IQGAP2: variants seen among roughly 807,000 people sequenced by gnomAD.
IQGAP2 encodes IQ motif containing GTPase activating protein 2.
A neutral mutation model predicts 201.3 loss-of-function variants in IQGAP2; 173 were observed. That is an observed-to-expected ratio of 0.86 (90% CI 0.76 to 0.98). The LOEUF is 0.98. Among genes scored for constraint, IQGAP2 ranks in the 50% least tolerant of loss-of-function variants. The pLI, the probability that IQGAP2 is intolerant of heterozygous loss-of-function variation, is 0.00. For missense variants in IQGAP2, 1,687 were observed against 1,864.8 expected (o/e 0.90, Z 1.76); for synonymous variants, 675 against 673.9 (o/e 1.00, Z -0.03).
intron 18 of IQGAP2, among the ~76,000 whole-genome samples, 193 bp from the exon 19 acceptor site, chr5:76,654,007 C>T (rs564411314): frequency 6.6e-6 from 1 of 152,098 alleles, no homozygotes; most frequent in Non-Finnish European, 1.5e-5. Flanking sequence ...CGTTTTGAAC[C>T]CCTTAAGAAA....
intron 13 of IQGAP2, chr5:76,617,866 A>G (rs1192992286): frequency 1.9e-6 from 3 of 1,614,142 alleles, no homozygotes; most frequent in African/African-American, 2.7e-5. Context: ...GCTGCATAGC[A>G]GTAGATGATA....
At chr5:76,586,996 A>G (rs575186043) in intron 5 of IQGAP2, among the ~76,000 whole-genome samples, 88 of 152,352 alleles carry the variant, frequency 5.8e-4, no homozygotes, top group Non-Finnish European at 1.1e-3. Flanking sequence ...CATACCAGTT[A>G]TAAAAGTCAT....
At chr5:76,654,370 C>A in intron 19 of IQGAP2, 99 bp downstream of exon 19, 1 of 702,470 alleles carries the variant, frequency 1.4e-6, no homozygotes, top group Non-Finnish European at 2.4e-6. Context: ...GAATGGTGAA[C>A]ATGAACACTT....
intron 16 of IQGAP2, among the ~76,000 whole-genome samples, chr5:76,637,846 G>T (rs561697055): frequency 6.6e-6 from 1 of 152,214 alleles, no homozygotes; most frequent in Non-Finnish European, 1.5e-5. Flanking sequence ...ATAAAAATTA[G>T]CCATGTGTCC....
At chr5:76,594,048 A>G (rs367869236) in intron 9 of IQGAP2, among the ~76,000 whole-genome samples, 4 of 152,310 alleles carry the variant, frequency 2.6e-5, no homozygotes, top group Non-Finnish European at 4.4e-5. Flanking sequence ...AAAACTCTCA[A>G]TTGCCTTTAT....
chr5:76,539,277 T>G (rs561794609), intron 2 of IQGAP2, among the ~76,000 whole-genome samples: 1 of 152,318 alleles, frequency 6.6e-6, no homozygotes, highest in African/African-American at 2.4e-5. Flanking sequence ...TCTTCTTTCC[T>G]GGAACATTCC....
chr5:76,525,239 C>A (rs990934837), intron 2 of IQGAP2, among the ~76,000 whole-genome samples: 1 of 152,132 alleles, frequency 6.6e-6, no homozygotes, highest in Non-Finnish European at 1.5e-5. Context: ...CCAGTTGTGC[C>A]ATTGTTTGCT....
chr5:76,509,029 A>ATGTGTG lies in IQGAP2; in HGVS notation c.146+47384_146+47389dup, dbSNP rs70982616. ...TGGTAAACAGTTTGGCTGTATATATATGTGTGTGTGTGTGTGTGTGTGTGT... is the reference window on the plus strand; with the variant it reads ...TGGTAAACAGTTTGGCTGTATATATATGTGTGTGTGTGTGTGTGTGTGTGTGTGTGT... On this transcript the variant is annotated intron_variant, in intron 2 of 35. Transcript: ENST00000274364. Among the ~76,000 whole-genome samples the ATGTGTG allele has an allele frequency of 1.4e-3, 203 of 148,946 alleles. 2 individuals carry two copies. The highest frequency in any genetic ancestry group is 8.0e-3 in the South Asian group (37 of 4,632).
intron 1 of IQGAP2, among the ~76,000 whole-genome samples, chr5:76,414,572 G>GGGAGGGATTA (rs1217684755): frequency 6.6e-6 from 1 of 152,164 alleles, no homozygotes; most frequent in Non-Finnish European, 1.5e-5. Flanking sequence ...TGTAATCCCA[G>GGGAGGGATTA]CACTTTGGGA....
intron 10 of IQGAP2, 21 bp downstream of exon 10, chr5:76,597,623 G>C (rs756402103): frequency 6.2e-7 from 1 of 1,613,178 alleles, no homozygotes; most frequent in African/African-American, 1.3e-5. Flanking sequence ...GGAGACCCCA[G>C]CTGTGGGGAC....
intron 2 of IQGAP2, among the ~76,000 whole-genome samples, chr5:76,496,757 C>CTTTCTTTCTTTCTTTCTTTCTTTCTTTCT: frequency 1.3e-5 from 1 of 79,322 alleles, no homozygotes; most frequent in East Asian, 3.0e-4. Context: ...TTCTTTCTTT[C>CTTTCTTTCTTTCTTTCTTTCTTTCTTTCT]TTTCTTTCTT....
chr5:76,650,378 A>C (rs1449273616), intron 17 of IQGAP2, among the ~76,000 whole-genome samples: 18 of 152,240 alleles, frequency 1.2e-4, no homozygotes, highest in Admixed American at 1.2e-3. Context: ...AGAGATAGGT[A>C]CACAGGTATG....
At chr5:76,597,703 T>G in intron 10 of IQGAP2, 101 bp downstream of exon 10, 1 of 1,246,536 alleles carries the variant, frequency 8.0e-7, no homozygotes, top group Non-Finnish European at 1.1e-6. Flanking sequence ...CGGGGATCTC[T>G]AATTTGTACC....
intron 30 of IQGAP2, among the ~76,000 whole-genome samples, chr5:76,688,756 CAT>C (rs1009425234): frequency 6.6e-6 from 1 of 151,716 alleles, no homozygotes; most frequent in Non-Finnish European, 1.5e-5. Flanking sequence ...ATAACATGTG[CAT>C]ATATATATAT....
chr5:76,672,366 G>A (rs1337311487), intron 24 of IQGAP2, among the ~76,000 whole-genome samples: 1 of 152,148 alleles, frequency 6.6e-6, no homozygotes, highest in East Asian at 1.9e-4. Flanking sequence ...CTTATTCTGG[G>A]TGGGTGGTTG....
intron 11 of IQGAP2, among the ~76,000 whole-genome samples, chr5:76,602,791 C>G (rs1271768600): frequency 6.6e-6 from 1 of 152,122 alleles, no homozygotes; most frequent in Non-Finnish European, 1.5e-5. Flanking sequence ...AAACACGGCT[C>G]TGTCCAGGGC....
At chr5:76,562,658 G>A (rs1238203147) in intron 3 of IQGAP2, 106 bp downstream of exon 3, 3 of 1,018,134 alleles carry the variant, frequency 2.9e-6, no homozygotes, top group Non-Finnish European at 4.3e-6. Context: ...GATTTGGGGG[G>A]CTGGGGGATG....
chr5:76,524,828 G>GTTATTTAAAGATTCA (rs1322543189), intron 2 of IQGAP2, among the ~76,000 whole-genome samples: 1 of 152,040 alleles, frequency 6.6e-6, no homozygotes, highest in Admixed American at 6.6e-5. Flanking sequence ...TGTAAGATTC[G>GTTATTTAAAGATTCA]TTATTTAAAA....
At chr5:76,546,347 A>G (rs531337107) in intron 2 of IQGAP2, among the ~76,000 whole-genome samples, 2 of 152,248 alleles carry the variant, frequency 1.3e-5, no homozygotes, top group East Asian at 3.9e-4. Flanking sequence ...GAGGCAGGAG[A>G]ATCCTCGAAC....
Sources: allele counts gnomAD v4.1 joint callset (sites outside exome capture counted in the v4.1 genomes callset), GRCh38; gene constraint gnomAD v4.1.1; transcripts MANE v1.5; gene names NCBI Gene and HGNC (gene_info 2026-07-23, HGNC 2026-07-21).